ZNF581: variants seen among roughly 807,000 people sequenced by gnomAD.
ZNF581 encodes zinc finger protein 581.
ZNF581 carries 1 observed loss-of-function variant against 1.2 expected under a neutral mutation model. The observed-to-expected ratio is 0.83, with a 90% confidence interval of 0.30 to 3.95. ZNF581 has a LOEUF of 3.95. ZNF581 is among the 30% of genes most tolerant of loss of function. ZNF581 has a pLI of 0.18. For missense variants in ZNF581, 273 were observed against 274.6 expected, an observed-to-expected ratio of 0.99 and a Z score of 0.04; for synonymous variants, 105 against 109.2, an observed-to-expected ratio of 0.96 and a Z score of 0.24.
chr19:55,635,992 G>T (rs1266407750), intron 1 of ZNF581, among the ~76,000 whole-genome samples: 2 of 152,172 alleles, frequency 1.3e-5, no homozygotes, highest in Non-Finnish European at 2.9e-5. Flanking sequence ...TCAAGGTCTG[G>T]CCAGGGGGCT....
upstream of ZNF581, chr19:55,643,303 G>A: frequency 2.4e-6 from 1 of 415,104 alleles, no homozygotes; most frequent in Admixed American, 4.5e-5. Flanking sequence ...CTGTGCAAGT[G>A]ACATGACCTC....
At chr19:55,636,464 G>A (rs1982096897), upstream of ZNF581, among the ~76,000 whole-genome samples, 1 of 152,130 alleles carries the variant, frequency 6.6e-6, no homozygotes, top group African/African-American at 2.4e-5. Context: ...GGTTCTCTTT[G>A]GTGGGGAGCT....
At chr19:55,642,159 T>G, upstream of ZNF581, 1 of 1,051,106 alleles carries the variant, frequency 9.5e-7, no homozygotes, top group Non-Finnish European at 1.1e-6. Context: ...GTAAACAGAT[T>G]TAGGGATTGA....
At chr19:55,635,844 T>C (rs562612925) in intron 1 of ZNF581, 6 of 457,288 alleles carry the variant, frequency 1.3e-5, no homozygotes, top group African/African-American at 2.1e-5. Context: ...GCAGGGCATA[T>C]AGGTGACACC....
chr19:55,635,632 A>G, exon 1 of ZNF581: 1 of 983,004 alleles, frequency 1.0e-6, no homozygotes, highest in Non-Finnish European at 1.2e-6. Context: ...GTTTGGGGAC[A>G]TGAGTAATCA....
upstream of ZNF581, chr19:55,640,025 G>C: frequency 1.6e-6 from 1 of 634,994 alleles, no homozygotes; most frequent in Non-Finnish European, 2.0e-6. Context: ...TTCCACCATT[G>C]CAGAAAGTTC....
chr19:55,639,347 C>T (rs549657543), upstream of ZNF581, among the ~76,000 whole-genome samples: 3 of 152,274 alleles, frequency 2.0e-5, no homozygotes, highest in African/African-American at 7.2e-5. Flanking sequence ...GTTTGGGAGA[C>T]TGAAGTGGAA....
chr19:55,637,010 A>G (rs1005730766), upstream of ZNF581, among the ~76,000 whole-genome samples: 7 of 152,128 alleles, frequency 4.6e-5, no homozygotes, highest in African/African-American at 1.7e-4. Context: ...GCAGAGGGGA[A>G]GGTTTTGATC....
At chr19:55,642,036 G>A (rs917112061), upstream of ZNF581, 3 of 985,120 alleles carry the variant, frequency 3.0e-6, no homozygotes, top group East Asian at 1.1e-4. Flanking sequence ...GGTAGGGGGC[G>A]GCAAAGGGAG....
rs1416277639 is a variant in ZNF581, at chr19:55,645,331, A to C, written c.*166A>C. 9 of 561,080 alleles carry C rather than the reference A, an allele frequency of 1.6e-5. No homozygotes were observed. The highest frequency in any genetic ancestry group is 2.4e-5 in the Non-Finnish European group (8 of 327,712). The allele number at this position is 561,080 out of a possible 1,614,324, so 34.8% of individuals were successfully genotyped here. ...CTGCCTGAAGGAGGAATCCGTGAGTAATCTTCAGGTCCTCCGTGTTCTGGA... is the reference window on the plus strand; with the variant it reads ...CTGCCTGAAGGAGGAATCCGTGAGTCATCTTCAGGTCCTCCGTGTTCTGGA... On this transcript the variant is annotated 3_prime_UTR_variant, in exon 2 of 2. Coordinates refer to ENST00000270451, the MANE Select transcript of ZNF581 (RefSeq NM_016535.4).
upstream of ZNF581, chr19:55,642,380 G>T: frequency 7.7e-7 from 1 of 1,301,204 alleles, no homozygotes; most frequent in Non-Finnish European, 9.8e-7. Flanking sequence ...TGCTAGGGAG[G>T]TAGTCAGTGG....
chr19:55,643,012 C>T (rs1405910712), upstream of ZNF581: 9 of 1,362,976 alleles, frequency 6.6e-6, no homozygotes, highest in Admixed American at 1.2e-4. Flanking sequence ...TGGCGCAGCA[C>T]GTGCGCCTCC....
upstream of ZNF581, among the ~76,000 whole-genome samples, chr19:55,638,231 TTTTGTTTG>T (rs149274660): frequency 4.6e-3 from 697 of 151,940 alleles, 3 homozygotes; most frequent in Admixed American, 7.7e-3. Context: ...TGACACGCTT[TTTTGTTTG>T]TTTGTTTGTT....
rs1011437829 is a variant in ZNF581 at position 55,643,778 on chromosome 19, CGGGGGCCGGGAGGAGGAA to C, written c.-20+11_-20+28del. The C allele has an allele frequency of 3.0e-5, 4 of 131,580 alleles. No homozygotes were observed. Among genetic ancestry groups the C allele is most frequent in the Non-Finnish European group, 6.7e-5 (4 of 59,722 alleles). 8.2% of individuals were successfully genotyped at this position (131,580 alleles called of 1,614,324 possible). A position where few individuals can be genotyped will look rare whatever the true frequency, so the allele number is the denominator to read the frequency against. ...ACCTGAGAGGCTGCTGCACTGGGTA[CGGGGGCCGGGAGGAGGAA>C]GGGGGCTGGGGGCGGGCGGCGGGAG... On this transcript the variant is annotated splice_donor_5th_base_variant and intron_variant, in intron 1 of 1. Transcript: ENST00000270451.
chr19:55,643,644 C>G (rs1253430030), upstream of ZNF581: 1 of 152,390 alleles, frequency 6.6e-6, no homozygotes, highest in African/African-American at 2.4e-5. Flanking sequence ...CTCCCTTCGG[C>G]TTCTCTCTTT....
At chr19:55,640,050 C>G (rs543202197), upstream of ZNF581, 1 of 855,032 alleles carries the variant, frequency 1.2e-6, no homozygotes, top group East Asian at 1.2e-4. Context: ...GGACAGTGCT[C>G]TAGGATGTAG....
chr19:55,643,181 C>G, upstream of ZNF581: 1 of 1,197,468 alleles, frequency 8.4e-7, no homozygotes, highest in Non-Finnish European at 1.1e-6. Flanking sequence ...GGAGGAGCAT[C>G]ATTCCTTCCT....
Position 55,645,372 on chromosome 19 carries a change from A to G in ZNF581, c.*207A>G. 1 of 489,380 alleles carries G rather than the reference A, an allele frequency of 2.0e-6. No individual in the cohort carries two copies. The highest frequency in any genetic ancestry group is 3.7e-6 in the Non-Finnish European group (1 of 271,246). The allele number at this position is 489,380 out of a possible 1,614,324, so 30.3% of individuals were successfully genotyped here. On this transcript the variant is annotated 3_prime_UTR_variant, in exon 2 of 2. Transcript: ENST00000270451. ...GTGTTCTGGAGCTGAGATGGGAATG[A>G]GCCCCTACACAGAATGGAGTCCTCT... is the stretch of plus-strand genomic sequence containing the variant.
At chr19:55,640,209 G>T, upstream of ZNF581, 1 of 985,458 alleles carries the variant, frequency 1.0e-6, no homozygotes, top group Middle Eastern at 5.2e-4. Context: ...GCTGCCCCGA[G>T]TGCTGCCGCG....
Sources: gnomAD v4.1 joint callset for allele counts (sites outside exome capture counted in the v4.1 genomes callset) on GRCh38, gnomAD v4.1.1 for gene constraint, MANE v1.5 for transcripts, NCBI Gene and HGNC (gene_info 2026-07-23, HGNC 2026-07-21) for gene names.